Variants in IFT74 observed in about 807,000 individuals in gnomAD.
IFT74 encodes the protein intraflagellar transport protein 74 homolog.
A neutral mutation model predicts 96.7 loss-of-function variants in IFT74; 92 were observed. The ratio of observed to expected loss-of-function variants is 0.95; its 90% CI spans 0.80 to 1.13. The LOEUF (loss-of-function observed/expected upper bound fraction) is 1.13. IFT74 is among the 50% of genes most tolerant of loss of function. IFT74 has a pLI of 0.00. For synonymous variants in IFT74, 223 were observed against 213.2 expected, an observed-to-expected ratio of 1.05 and a Z score of -0.40; for missense variants, 811 against 698.2, an observed-to-expected ratio of 1.16 and a Z score of -1.82.
chr9:27,034,506 TTTTA>T (rs1447271926), intron 13 of IFT74, among the ~76,000 whole-genome samples: 1 of 152,168 alleles, frequency 6.6e-6, no homozygotes, highest in African/African-American at 2.4e-5. Context: ...GACAGAATAC[TTTTA>T]TTTATTATTT....
chr9:26,982,267 T>C (rs1827414134), intron 4 of IFT74: 1 of 247,582 alleles, frequency 4.0e-6, no homozygotes. Flanking sequence ...TCATAAGCTT[T>C]TTTTCTTTTT....
At chr9:27,002,079 C>T (rs1828528222) in intron 8 of IFT74, among the ~76,000 whole-genome samples, 1 of 151,978 alleles carries the variant, frequency 6.6e-6, no homozygotes, top group Non-Finnish European at 1.5e-5. Flanking sequence ...TCTTACATGG[C>T]TAGAGAAGGA....
chr9:26,950,241 G>T (rs1053902924), intron 1 of IFT74, among the ~76,000 whole-genome samples: 1 of 152,150 alleles, frequency 6.6e-6, no homozygotes, highest in Admixed American at 6.5e-5. Context: ...GAACCCGGGA[G>T]GGGGAGGTTG....
intron 3 of IFT74, among the ~76,000 whole-genome samples, chr9:26,978,848 T>C (rs759044152): frequency 4.6e-5 from 7 of 152,304 alleles, no homozygotes; most frequent in Non-Finnish European, 8.8e-5. Flanking sequence ...CCTAGATTTA[T>C]ATTAAATCTC....
At chr9:26,995,067 A>G (rs964460890) in intron 8 of IFT74, 2 of 152,386 alleles carry the variant, frequency 1.3e-5, no homozygotes, top group African/African-American at 4.8e-5. Context: ...GGAGCATAAA[A>G]TCAATCTTAG....
chr9:27,008,486 G>A (rs1828893855), intron 8 of IFT74, among the ~76,000 whole-genome samples: 2 of 151,832 alleles, frequency 1.3e-5, no homozygotes, highest in South Asian at 4.1e-4. Flanking sequence ...AGCCTCCCAA[G>A]TAGCTGGGAT....
At chr9:26,982,451 A>ATTTTTTT (rs56756518) in intron 4 of IFT74, 150 of 215,714 alleles carry the variant, frequency 7.0e-4, no homozygotes, top group South Asian at 1.1e-3. Flanking sequence ...TAATTTTTGT[A>ATTTTTTT]TTTTTTTTTT....
rs1807553773 is a variant in IFT74 at position 27,056,359 on chromosome 9, T to C, written c.1523T>C (p.Leu508Ser). ...AAATTACATCAGGAGAGAATGATAT[T>C]ATCAACCCACAGAAATGCCTTTAAG... ...IKKLHQERMI[L>S]STHRNAFKKI... The change falls in exon 18 of 20, where the codon TTA becomes TCA. Residue 508 changes from leucine (L) to serine (S), a missense_variant. Physicochemically the swap from Leu to Ser is moderately radical, Grantham distance 145. Coordinates refer to ENST00000380062, the MANE Select transcript of IFT74 (RefSeq NM_025103.4). 6.3e-7 allele frequency: 1 copy of C among 1,590,510 alleles called. No individual in the cohort carries two copies. Among genetic ancestry groups the C allele is most frequent in the South Asian group, 1.1e-5 (1 of 88,466 alleles).
At chr9:26,955,642 A>G (rs1375478900), upstream of IFT74, 1 of 152,120 alleles carries the variant, frequency 6.6e-6, no homozygotes, top group African/African-American at 2.4e-5. Context: ...GCCACATAAC[A>G]TTATCTCATT....
intron 8 of IFT74, chr9:26,995,286 A>T: frequency 7.8e-6 from 3 of 383,392 alleles, no homozygotes; most frequent in Non-Finnish European, 1.4e-5. Flanking sequence ...ACTGCTAAGA[A>T]TAGTAGTGCT....
intron 8 of IFT74, among the ~76,000 whole-genome samples, chr9:27,007,756 A>T (rs1406522571): frequency 6.6e-6 from 1 of 152,238 alleles, no homozygotes; most frequent in East Asian, 1.9e-4. Flanking sequence ...AGAAGTTGGT[A>T]TCTATGAGCG....
chr9:27,056,829 T>C (rs1820181162), intron 18 of IFT74, among the ~76,000 whole-genome samples: 1 of 151,510 alleles, frequency 6.6e-6, no homozygotes, highest in African/African-American at 2.4e-5. Flanking sequence ...ATGCTTATTG[T>C]TGCTTTAGTG....
intron 1 of IFT74, among the ~76,000 whole-genome samples, chr9:26,959,095 G>T (rs1036574508): frequency 6.7e-6 from 1 of 150,182 alleles, no homozygotes; most frequent in African/African-American, 2.5e-5. Flanking sequence ...TCTTTTTGTT[G>T]TTGTTGTTGT....
intron 4 of IFT74, 110 bp downstream of exon 4, chr9:26,980,729 G>A: frequency 1.6e-6 from 1 of 630,350 alleles, no homozygotes; most frequent in Non-Finnish European, 2.7e-6. Context: ...GCACTTATTA[G>A]GATAATTAGG....
intron 14 of IFT74, 145 bp downstream of exon 14, chr9:27,044,940 A>G (rs1257932213): frequency 5.5e-6 from 3 of 544,056 alleles, no homozygotes; most frequent in Non-Finnish European, 6.6e-6. Flanking sequence ...CTTGAAGAAT[A>G]GTTTCTAGCA....
intron 2 of IFT74, among the ~76,000 whole-genome samples, chr9:26,962,993 A>G (rs1408330517): frequency 1.4e-5 from 2 of 145,656 alleles, no homozygotes; most frequent in African/African-American, 5.1e-5. Flanking sequence ...GTTTTAGGGT[A>G]CATGTGCACA....
chr9:27,006,512 G>A lies in IFT74; in HGVS notation c.588-2508G>A, dbSNP rs573531127. On this transcript the variant is annotated intron_variant, in intron 8 of 19. Coordinates refer to ENST00000380062, the MANE Select transcript of IFT74 (RefSeq NM_025103.4). ...CCCAGTTACCTGGGTGGCTGAGGTG[G>A]GGGGATGGCTTGAGTTTGAGCATGC... 1.6e-3 allele frequency among the ~76,000 whole-genome samples: 246 copies of A among 152,178 alleles called. 2 individuals carry two copies. The highest frequency in any genetic ancestry group is 5.7e-3 in the African/African-American group (238 of 41,532).
intron 6 of IFT74, 86 bp from the exon 7 acceptor site, chr9:26,988,583 A>T: frequency 8.2e-7 from 1 of 1,220,396 alleles, no homozygotes; most frequent in South Asian, 1.6e-5. Context: ...ATTATTTGTA[A>T]GACTGAATAC....
chr9:26,950,547 G>A (rs2131452950), intron 1 of IFT74, among the ~76,000 whole-genome samples: 1 of 152,216 alleles, frequency 6.6e-6, no homozygotes, highest in African/African-American at 2.4e-5. Context: ...ACTAGAATAA[G>A]CAAAAAACAA....
Sources: gnomAD v4.1 joint callset for allele counts (sites outside exome capture counted in the v4.1 genomes callset) on GRCh38, gnomAD v4.1.1 for gene constraint, MANE v1.5 for transcripts, NCBI Gene and HGNC (gene_info 2026-07-23, HGNC 2026-07-21) for gene names.